ETS1: variants seen among roughly 807,000 people sequenced by gnomAD.
ETS1 encodes the protein ETS proto-oncogene 1, transcription factor, also known as protein C-ets-1.
A neutral mutation model predicts 58.6 loss-of-function variants in ETS1; 15 were observed. That is an observed-to-expected ratio of 0.26 (90% CI 0.17 to 0.39). The LOEUF (loss-of-function observed/expected upper bound fraction) is 0.39, where lower values mean the gene tolerates loss of function less well. ETS1 is among the 10% of genes least tolerant of loss of function. The probability of loss-of-function intolerance (pLI) is 1.00; values close to 1 mark genes in which losing one functional copy is unlikely to be tolerated. For synonymous variants in ETS1, 214 were observed against 218.2 expected (o/e 0.98, Z 0.17); for missense variants, 417 against 610.5 (o/e 0.68, Z 3.34).
At chr11:128,566,630 A>C (rs191762891) in intron 2 of ETS1, among the ~76,000 whole-genome samples, 1 of 152,238 alleles carries the variant, frequency 6.6e-6, no homozygotes, top group East Asian at 1.9e-4. Context: ...AAAAATACAA[A>C]AAATTAGCTG....
At chr11:128,512,544 C>A (rs974491276) in intron 3 of ETS1, among the ~76,000 whole-genome samples, 1 of 152,250 alleles carries the variant, frequency 6.6e-6, no homozygotes, top group African/African-American at 2.4e-5. Context: ...ACCGCCGCCA[C>A]AGCCCAGTAC....
intron 3 of ETS1, among the ~76,000 whole-genome samples, chr11:128,503,731 C>T (rs1863151286): frequency 6.6e-6 from 1 of 152,192 alleles, no homozygotes; most frequent in African/African-American, 2.4e-5. Flanking sequence ...CCTGCTGAAT[C>T]ATCCCAGTGT....
chr11:128,585,666 C>G (rs1565422408), intron 1 of ETS1, among the ~76,000 whole-genome samples: 1 of 152,202 alleles, frequency 6.6e-6, no homozygotes, highest in Non-Finnish European at 1.5e-5. Flanking sequence ...AGTCCTTGAC[C>G]TCACTGGCAC....
chr11:128,549,317 AT>A lies in ETS1; in HGVS notation c.214+6973del, dbSNP rs1363465838. Among the ~76,000 whole-genome samples the A allele has an allele frequency of 5.6e-5, 7 of 124,544 alleles. No individual in the cohort carries two copies. Among genetic ancestry groups the A allele is most frequent in the Admixed American group, 8.3e-5 (1 of 11,988 alleles). 81.7% of individuals were successfully genotyped at this position (124,544 alleles called of 152,430 possible). A position where few individuals can be genotyped will look rare whatever the true frequency, so the allele number is the denominator to read the frequency against. On this transcript the variant is annotated intron_variant, in intron 3 of 9. Transcript: ENST00000392668. The surrounding 1 kb of genome is among the most constrained non-coding windows in gnomAD (Gnocchi z 4.3). ...TCTCCTGGGCTCCGGCTCCCACCTC[AT>A]CGGCCCACCCGAAGATGTCCATTCA...
At chr11:128,487,820 G>T (rs951131014) in intron 5 of ETS1, among the ~76,000 whole-genome samples, 1 of 152,092 alleles carries the variant, frequency 6.6e-6, no homozygotes, top group Non-Finnish European at 1.5e-5. Flanking sequence ...TGATACTGAA[G>T]AAATCGCCTA....
intron 3 of ETS1, among the ~76,000 whole-genome samples, chr11:128,514,898 T>C (rs1411650390): frequency 6.6e-6 from 1 of 152,192 alleles, no homozygotes; most frequent in Non-Finnish European, 1.5e-5. Flanking sequence ...CTTAAATTCG[T>C]TCATCTTTAG....
intron 8 of ETS1, among the ~76,000 whole-genome samples, chr11:128,478,900 C>G (rs1565371560): frequency 6.6e-6 from 1 of 152,194 alleles, no homozygotes; most frequent in Non-Finnish European, 1.5e-5. Context: ...TAGCCATGTT[C>G]AAGCAAAGAC....
intron 3 of ETS1, among the ~76,000 whole-genome samples, chr11:128,517,203 G>A (rs986845050): frequency 2.6e-5 from 4 of 152,194 alleles, no homozygotes; most frequent in South Asian, 2.1e-4. Context: ...TTCAGCTCAG[G>A]GGGCTCTTGC....
Position 128,556,339 on chromosome 11 carries a change from C to G in ETS1, c.166G>C (p.Glu56Gln), listed in dbSNP as rs755593503. ...QQRPCYPFWD[E>Q]MATQEVPTGL... ...GTAGGAACTTCCTGAGTTGCCATCT[C>G]ATCCCAAAAGGGGTAGCAAGGTCTT... The change falls in exon 3 of 10, where the codon GAG becomes CAG. Residue 56 changes from glutamate to glutamine, a missense_variant. This residue lies in a region of ETS1 where 90 missense variants were observed against 90.3 expected (regional missense o/e 1.00). Transcript: ENST00000392668. 15 of 1,613,520 alleles carry G rather than the reference C, an allele frequency of 9.3e-6. No individual in the cohort carries two copies. In the East Asian group the frequency reaches 1.1e-4, roughly 12 times the overall value.
chr11:128,466,864 T>C (rs1321128142), intron 8 of ETS1, among the ~76,000 whole-genome samples: 4 of 151,350 alleles, frequency 2.6e-5, no homozygotes, highest in African/African-American at 9.7e-5. Context: ...TGGGAAGAAA[T>C]CTCTCCCGTT....
chr11:128,522,509 GC>G, intron 3 of ETS1: 1 of 297,546 alleles, frequency 3.4e-6, no homozygotes, highest in Non-Finnish European at 5.0e-6. Flanking sequence ...TCCGCCCGCG[GC>G]CCAAAGCGAA....
chr11:128,539,670 TAC>T (rs1864025629), intron 3 of ETS1, among the ~76,000 whole-genome samples: 1 of 152,190 alleles, frequency 6.6e-6, no homozygotes, highest in African/African-American at 2.4e-5. Context: ...AAAAAACTTG[TAC>T]ATTAATGTTA....
chr11:128,489,488 G>T lies in ETS1; in HGVS notation c.337C>A (p.Pro113Thr), dbSNP rs1483983822. 15 of 1,613,160 alleles carry T rather than the reference G, an allele frequency of 9.3e-6. 1 individual carries two copies. The highest frequency in any genetic ancestry group is 8.5e-7 in the Non-Finnish European group (1 of 1,179,836). ...EQQRLGIPKD[P>T]RQWTETHVRD... ...ACATGGGTTTCTGTCCACTGCCGGG[G>T]GTCTGAGGAAAGAGATCAGATGAAG... The change falls in exon 5 of 10, where the codon CCC becomes ACC. Residue 113 changes from proline (P) to threonine (T), a missense_variant and splice_region_variant. This residue lies in a region of ETS1 where 132 missense variants were observed against 212.1 expected (regional missense o/e 0.62). Coordinates refer to ENST00000392668, the MANE Select transcript of ETS1 (RefSeq NM_001143820.2).
intron 1 of ETS1, 104 bp downstream of exon 1, chr11:128,587,384 A>C (rs761205941): frequency 3.5e-4 from 54 of 152,364 alleles, no homozygotes; most frequent in Non-Finnish European, 6.2e-4. Context: ...ACTCACTTGT[A>C]TCCTGAATCT....
At chr11:128,516,104 C>A (rs1281976647) in intron 3 of ETS1, among the ~76,000 whole-genome samples, 1 of 152,180 alleles carries the variant, frequency 6.6e-6, no homozygotes, top group Non-Finnish European at 1.5e-5. Flanking sequence ...GGAGATTATA[C>A]ATTATACAAT....
chr11:128,559,912 T>G lies in ETS1; in HGVS notation c.70-3477A>C, dbSNP rs1864377551. ...ACAGGTCCCTGCTTATTGGGCCTCT[T>G]CATTGGCATCTTCCTTTCTTGGCTG... On this transcript the variant is annotated intron_variant, in intron 2 of 9. Transcript: ENST00000392668. 2.0e-5 allele frequency among the ~76,000 whole-genome samples: 3 copies of G among 152,158 alleles called. 1 individual carries two copies. In the South Asian group the frequency reaches 6.2e-4, roughly 32 times the overall value.
At chr11:128,558,593 C>T (rs1304607369) in intron 2 of ETS1, among the ~76,000 whole-genome samples, 3 of 136,340 alleles carry the variant, frequency 2.2e-5, no homozygotes, top group Admixed American at 8.3e-5. Flanking sequence ...TGCAGTGAGC[C>T]GAGATCGAGA....
At chr11:128,494,582 A>G (rs1862888721) in intron 3 of ETS1, among the ~76,000 whole-genome samples, 1 of 152,218 alleles carries the variant, frequency 6.6e-6, no homozygotes, top group Non-Finnish European at 1.5e-5. Flanking sequence ...GTTTCCATTC[A>G]CTTACATGTA....
intron 2 of ETS1, among the ~76,000 whole-genome samples, chr11:128,566,115 T>C (rs1864490052): frequency 6.6e-6 from 1 of 152,194 alleles, no homozygotes; most frequent in African/African-American, 2.4e-5. Flanking sequence ...TTTGATCTGG[T>C]GGCAAGGGAG....
Sources: gnomAD v4.1 joint callset for allele counts (sites outside exome capture counted in the v4.1 genomes callset) on GRCh38, gnomAD v4.1.1 for gene constraint, gnomAD v4.1.1 regional missense constraint, Gnocchi (gnomAD v3.1) non-coding constraint, MANE v1.5 for transcripts, NCBI Gene and HGNC (gene_info 2026-07-23, HGNC 2026-07-21) for gene names.